Variants in TAFA4 observed in about 807,000 individuals in gnomAD.
TAFA4 encodes the protein chemokine-like protein TAFA-4.
TAFA4 carries 20 observed loss-of-function variants against 21.1 expected under a neutral mutation model. The ratio of observed to expected loss-of-function variants is 0.95; its 90% CI spans 0.67 to 1.38. The LOEUF (loss-of-function observed/expected upper bound fraction) is 1.38, where lower values mean the gene tolerates loss of function less well. Among genes scored for constraint, TAFA4 ranks in the 40% most tolerant of loss-of-function variants. The pLI is 0.00. For missense variants in TAFA4, 211 were observed against 180.9 expected (o/e 1.17, Z -0.95); for synonymous variants, 71 against 67.4 (o/e 1.05, Z -0.26).
intron 3 of TAFA4, among the ~76,000 whole-genome samples, chr3:68,790,299 A>G (rs1311305492): frequency 6.6e-6 from 1 of 152,158 alleles, no homozygotes; most frequent in African/African-American, 2.4e-5. Flanking sequence ...GAAGCATAAA[A>G]AAGTCAATAA....
intron 3 of TAFA4, among the ~76,000 whole-genome samples, chr3:68,827,930 G>T (rs1704291139): frequency 6.6e-6 from 1 of 152,042 alleles, no homozygotes; most frequent in South Asian, 2.1e-4. Context: ...CATTGCTTTT[G>T]GTGTTTTAGT....
chr3:68,783,785 G>A (rs954452333), intron 3 of TAFA4, among the ~76,000 whole-genome samples: 1 of 150,376 alleles, frequency 6.6e-6, no homozygotes, highest in African/African-American at 2.5e-5. Flanking sequence ...CAAAGAAAAA[G>A]AGATGGACTG....
intron 3 of TAFA4, among the ~76,000 whole-genome samples, chr3:68,755,740 T>G (rs889971588): frequency 1.3e-5 from 2 of 152,196 alleles, no homozygotes; most frequent in African/African-American, 4.8e-5. Flanking sequence ...GGTAAGAAAC[T>G]GAAGTGTCCT....
intron 1 of TAFA4, among the ~76,000 whole-genome samples, chr3:68,910,481 T>C (rs375128208): frequency 2.0e-5 from 3 of 152,228 alleles, no homozygotes. Context: ...ACAACAAATA[T>C]AGTAAGATAG....
At chr3:68,787,152 T>A (rs1266446123) in intron 3 of TAFA4, among the ~76,000 whole-genome samples, 1 of 152,172 alleles carries the variant, frequency 6.6e-6, no homozygotes, top group African/African-American at 2.4e-5. Flanking sequence ...AAGAGAAATA[T>A]GTCCCCTCCA....
intron 3 of TAFA4, among the ~76,000 whole-genome samples, chr3:68,791,169 G>T (rs9867467): frequency 0.28 from 42,206 of 152,094 alleles, 7,198 homozygotes; most frequent in Non-Finnish European, 0.39. Context: ...AGTATTAGAA[G>T]TTGAATTGTG....
intron 3 of TAFA4, among the ~76,000 whole-genome samples, chr3:68,815,736 C>T (rs1703959142): frequency 6.6e-6 from 1 of 152,130 alleles, no homozygotes; most frequent in Admixed American, 6.5e-5. Context: ...CTAGTTCAAC[C>T]ATTGTGGAAG....
chr3:68,765,251 G>A (rs114881254), intron 3 of TAFA4, among the ~76,000 whole-genome samples: 1,723 of 152,136 alleles, frequency 0.011, 34 homozygotes, highest in African/African-American at 0.039. Context: ...GGACCATCTC[G>A]TGAACAAAAC....
chr3:68,865,260 A>T (rs116028576), intron 3 of TAFA4, among the ~76,000 whole-genome samples: 7 of 150,298 alleles, frequency 4.7e-5, no homozygotes, highest in East Asian at 3.9e-4. Flanking sequence ...CCCACAATTT[A>T]TTTTTTTTTT....
chr3:68,771,455 G>T (rs923102159), intron 3 of TAFA4, among the ~76,000 whole-genome samples: 2 of 152,198 alleles, frequency 1.3e-5, no homozygotes, highest in East Asian at 3.9e-4. Flanking sequence ...CTCCCCTTTG[G>T]GGTTTGAGCA....
At chr3:68,736,648 C>A (rs1024107334) in intron 5 of TAFA4, among the ~76,000 whole-genome samples, 7 of 152,034 alleles carry the variant, frequency 4.6e-5, no homozygotes, top group Non-Finnish European at 8.8e-5. Context: ...GAGACAATTG[C>A]TCTGCTTTTC....
At chr3:68,835,714 T>A (rs1704508843) in intron 3 of TAFA4, among the ~76,000 whole-genome samples, 1 of 152,206 alleles carries the variant, frequency 6.6e-6, no homozygotes, top group Non-Finnish European at 1.5e-5. Context: ...CATAATTAGG[T>A]CACTGGGGGC....
chr3:68,902,481 C>T (rs114015871), intron 1 of TAFA4, among the ~76,000 whole-genome samples: 2,314 of 152,216 alleles, frequency 0.015, 54 homozygotes, highest in African/African-American at 0.053. Context: ...GATCCTCCCA[C>T]CTCAGCCTCC....
intron 3 of TAFA4, among the ~76,000 whole-genome samples, chr3:68,841,597 G>A (rs912379432): frequency 6.6e-6 from 1 of 151,816 alleles, no homozygotes; most frequent in Non-Finnish European, 1.5e-5. Context: ...TGGGATGCAT[G>A]TGCGATCTGT....
intron 3 of TAFA4, among the ~76,000 whole-genome samples, chr3:68,762,907 A>C (rs1157468288): frequency 6.6e-6 from 1 of 152,212 alleles, no homozygotes; most frequent in Non-Finnish European, 1.5e-5. Flanking sequence ...GTGTGGTGGC[A>C]CATGCCTGAA....
intron 3 of TAFA4, among the ~76,000 whole-genome samples, chr3:68,873,522 T>C (rs2089513075): frequency 6.6e-6 from 1 of 152,142 alleles, no homozygotes; most frequent in African/African-American, 2.4e-5. Flanking sequence ...CTATTGGATA[T>C]GTTTAGCCGG....
intron 5 of TAFA4, 54 bp from the exon 6 acceptor site, chr3:68,733,207 C>T: frequency 1.9e-6 from 3 of 1,592,572 alleles, no homozygotes; most frequent in Admixed American, 3.5e-5. Context: ...ACCGAAATAA[C>T]CATTCCTGCC....
At chr3:68,915,484 A>G (rs1023516041) in intron 1 of TAFA4, among the ~76,000 whole-genome samples, 14 of 152,320 alleles carry the variant, frequency 9.2e-5, no homozygotes, top group Admixed American at 5.2e-4. Flanking sequence ...AAGTAGAAAC[A>G]TTTAGGGTCA....
chr3:68,862,663 T>C (rs1372319760), intron 3 of TAFA4, among the ~76,000 whole-genome samples: 1 of 152,014 alleles, frequency 6.6e-6, no homozygotes. Context: ...AACAGCATGA[T>C]TGAGCAGGGT....
Sources: allele counts gnomAD v4.1 joint callset (sites outside exome capture counted in the v4.1 genomes callset), GRCh38; gene constraint gnomAD v4.1.1; transcripts MANE v1.5; gene names NCBI Gene and HGNC (gene_info 2026-07-23, HGNC 2026-07-21).